Variants in LEPR observed in about 807,000 individuals in gnomAD.
The protein encoded by LEPR is OB receptor.
A neutral mutation model predicts 114.7 loss-of-function variants in LEPR; 56 were observed. The ratio of observed to expected loss-of-function variants is 0.49; its 90% confidence interval spans 0.39 to 0.61. The LOEUF (loss-of-function observed/expected upper bound fraction) is 0.61, where lower values mean the gene tolerates loss of function less well. Ranked by LOEUF, LEPR falls within the 20% of genes least tolerant of loss-of-function variation. The pLI is 0.00. For missense variants in LEPR, 1,202 were observed against 1,352.9 expected (o/e 0.89, Z 1.75); for synonymous variants, 443 against 461.4 (o/e 0.96, Z 0.51).
chr1:65,600,044 A>G (rs769695025), intron 8 of LEPR, among the ~76,000 whole-genome samples: 38 of 152,130 alleles, frequency 2.5e-4, no homozygotes, highest in Non-Finnish European at 4.1e-4. Context: ...TTTGATTTCA[A>G]AGTGAAATGC....
At chr1:65,561,532 T>C (rs201664730) in intron 2 of LEPR, among the ~76,000 whole-genome samples, 1 of 54,316 alleles carries the variant, frequency 1.8e-5, no homozygotes. Flanking sequence ...TTTTGAAGGG[T>C]TTTTTGTGTC....
Position 65,422,071 on chromosome 1 carries a change from TG to T in LEPR, c.-97+1334del, listed in dbSNP as rs541812837. 4.2e-4 allele frequency among the ~76,000 whole-genome samples: 64 copies of T among 152,216 alleles called. 1 individual carries two copies. In the South Asian group the frequency reaches 0.013, roughly 31 times the overall value. On this transcript the variant is annotated intron_variant, in intron 1 of 19. Transcript: ENST00000349533. ...TCAGATGCGGTGGGAGAACAGATGG[TG>T]GGTTGGATTTTGTCCTCCAAAAAGA... is the stretch of plus-strand genomic sequence containing the variant.
chr1:65,512,350 C>G (rs963818480), intron 2 of LEPR, among the ~76,000 whole-genome samples: 1 of 152,140 alleles, frequency 6.6e-6, no homozygotes, highest in Non-Finnish European at 1.5e-5. Context: ...AAATCTAAAC[C>G]CTATCAGGTA....
chr1:65,490,721 T>C (rs996557048), intron 2 of LEPR, among the ~76,000 whole-genome samples: 1 of 152,080 alleles, frequency 6.6e-6, no homozygotes, highest in Non-Finnish European at 1.5e-5. Flanking sequence ...AAATGGCCCA[T>C]CTTGAGTATT....
At chr1:65,453,628 C>G (rs568906972) in intron 2 of LEPR, among the ~76,000 whole-genome samples, 2 of 152,176 alleles carry the variant, frequency 1.3e-5, no homozygotes, top group African/African-American at 4.8e-5. Context: ...AGTTTGACTG[C>G]ACTGTGGTCT....
intron 10 of LEPR, among the ~76,000 whole-genome samples, chr1:65,604,353 T>A (rs542450727): frequency 5.4e-4 from 82 of 152,250 alleles, no homozygotes; most frequent in South Asian, 4.8e-3. Context: ...AATTTAATTT[T>A]ATTTTGTTTT....
chr1:65,458,284 C>A (rs979780046), intron 2 of LEPR, among the ~76,000 whole-genome samples: 14 of 152,142 alleles, frequency 9.2e-5, no homozygotes, highest in African/African-American at 3.1e-4. Context: ...AATATTCCTC[C>A]CATCTTCATT....
At chr1:65,431,216 C>T (rs192351769) in intron 2 of LEPR, among the ~76,000 whole-genome samples, 60 of 152,214 alleles carry the variant, frequency 3.9e-4, no homozygotes, top group Admixed American at 2.5e-3. Flanking sequence ...TTTTTCCTTT[C>T]AATACTGCCA....
At position 65,637,125 on chromosome 1, in the gene LEPR, A is replaced by T. The variant is rs1658745553; in HGVS notation, c.*110A>T. The stretch of plus-strand genomic sequence containing the variant: ...GAAACCAGAGTCAAATTTGAAAATA[A>T]TTGTTCCAAATGAATGTTGTCTGTT... On this transcript the variant is annotated 3_prime_UTR_variant, in exon 20 of 20. Coordinates refer to ENST00000349533, the MANE Select transcript of LEPR (RefSeq NM_002303.6). 2 of 1,225,840 alleles carry T rather than the reference A, an allele frequency of 1.6e-6. No homozygotes were observed. Among genetic ancestry groups the T allele is most frequent in the African/African-American group, 1.5e-5 (1 of 65,726 alleles). The allele number at this position is 1,225,840 out of a possible 1,614,324, so 75.9% of individuals were successfully genotyped here. A position where few individuals can be genotyped will look rare whatever the true frequency, so the allele number is the denominator to read the frequency against.
chr1:65,515,410 A>G (rs1265008678), intron 2 of LEPR, among the ~76,000 whole-genome samples: 1 of 152,242 alleles, frequency 6.6e-6, no homozygotes, highest in Non-Finnish European at 1.5e-5. Flanking sequence ...TTAAATTCCT[A>G]GAAGGAATGA....
rs944082711 is a variant in LEPR, at chr1:65,640,280, A to T, written c.*3265A>T. On this transcript the variant is annotated 3_prime_UTR_variant, in exon 20 of 20. Transcript: ENST00000349533. ...ATGGATCAAGACATACTGCAACCAC[A>T]AAGTTCCATCTCACTTAGATGTGGA... The T allele has an allele frequency of 2.0e-5, 3 of 152,198 alleles. No individual in the cohort carries two copies. Among genetic ancestry groups the T allele is most frequent in the Non-Finnish European group, 4.4e-5 (3 of 68,030 alleles). The allele number at this position is 152,198 out of a possible 1,614,324, so 9.4% of individuals were successfully genotyped here.
intron 2 of LEPR, among the ~76,000 whole-genome samples, chr1:65,436,665 C>CTCTA (rs1646567395): frequency 6.6e-6 from 1 of 152,182 alleles, no homozygotes; most frequent in African/African-American, 2.4e-5. Context: ...TGGTCTTAAT[C>CTCTA]CTGAGATTGC....
chr1:65,502,322 C>G (rs1489945205), intron 2 of LEPR, among the ~76,000 whole-genome samples: 3 of 152,050 alleles, frequency 2.0e-5, no homozygotes, highest in East Asian at 3.9e-4. Context: ...CATCTGTAAA[C>G]CAAGGAGAGA....
At chr1:65,586,007 A>AT (rs1299749478) in intron 5 of LEPR, among the ~76,000 whole-genome samples, 3 of 151,950 alleles carry the variant, frequency 2.0e-5, no homozygotes, top group Non-Finnish European at 4.4e-5. Context: ...TAATTCTCTA[A>AT]TTTTCCATTT....
chr1:65,546,593 G>A (rs1651748052), intron 2 of LEPR, among the ~76,000 whole-genome samples: 1 of 152,150 alleles, frequency 6.6e-6, no homozygotes, highest in African/African-American at 2.4e-5. Flanking sequence ...GTTCACTCAT[G>A]ATTTGGCTCT....
At chr1:65,468,458 A>G (rs1043368408) in intron 2 of LEPR, among the ~76,000 whole-genome samples, 1 of 152,250 alleles carries the variant, frequency 6.6e-6, no homozygotes, top group African/African-American at 2.4e-5. Context: ...TTCTAAAACC[A>G]TTCTAAAATA....
chr1:65,541,978 A>G (rs1651220617), intron 2 of LEPR, among the ~76,000 whole-genome samples: 1 of 152,220 alleles, frequency 6.6e-6, no homozygotes, highest in South Asian at 2.1e-4. Context: ...GATAGGTAAA[A>G]ATAACACAAA....
At chr1:65,572,299 T>TTTG in intron 4 of LEPR, 27 bp from the exon 5 acceptor site, 3 of 1,411,446 alleles carry the variant, frequency 2.1e-6, no homozygotes, top group South Asian at 2.8e-5. Flanking sequence ...TGTTTTTTTT[T>TTTG]TTTTTTTTTT....
intron 2 of LEPR, among the ~76,000 whole-genome samples, chr1:65,462,136 T>C (rs1243418043): frequency 6.6e-6 from 1 of 152,224 alleles, no homozygotes; most frequent in African/African-American, 2.4e-5. Flanking sequence ...GGGTTACTAA[T>C]GCTATCCCTC....
Sources: gnomAD v4.1 joint callset for allele counts (sites outside exome capture counted in the v4.1 genomes callset) on GRCh38, gnomAD v4.1.1 for gene constraint, MANE v1.5 for transcripts, NCBI Gene and HGNC (gene_info 2026-07-23, HGNC 2026-07-21) for gene names.